The following VDAC1 variants were observed in gnomAD, a reference collection of about 807,000 sequenced individuals.
The protein encoded by VDAC1 is non-selective voltage-gated ion channel VDAC1.
A neutral mutation model predicts 34.7 loss-of-function variants in VDAC1; 10 were observed. The observed-to-expected ratio is 0.29, with a 90% confidence interval of 0.18 to 0.49. The LOEUF (loss-of-function observed/expected upper bound fraction) is 0.49. Among genes scored for constraint, VDAC1 ranks in the 20% least tolerant of loss-of-function variants. The probability of loss-of-function intolerance (pLI) is 0.99; values close to 1 mark genes in which losing one functional copy is unlikely to be tolerated. For synonymous variants in VDAC1, 130 were observed against 136.0 expected (o/e 0.96, Z 0.30); for missense variants, 230 against 347.9 (o/e 0.66, Z 2.69).
At chr5:133,996,777 T>C (rs554974513) in intron 1 of VDAC1, among the ~76,000 whole-genome samples, 1 of 152,082 alleles carries the variant, frequency 6.6e-6, no homozygotes, top group Non-Finnish European at 1.5e-5. Flanking sequence ...AAGTAGAAAC[T>C]TGGAATCTGA....
chr5:134,113,542 C>T, the VDAC1 span, among the ~76,000 whole-genome samples: 1 of 152,260 alleles, frequency 6.6e-6, no homozygotes, highest in Non-Finnish European at 1.5e-5. Flanking sequence ...CCCAAATACC[C>T]TCTATCCCAA....
the VDAC1 span, among the ~76,000 whole-genome samples, chr5:134,023,629 T>C: frequency 7.2e-5 from 11 of 152,162 alleles, no homozygotes; most frequent in Non-Finnish European, 1.0e-4. Flanking sequence ...GCTCCTACCA[T>C]GGGCCAGGCC....
chr5:134,032,887 G>T, the VDAC1 span, among the ~76,000 whole-genome samples: 1 of 152,026 alleles, frequency 6.6e-6, no homozygotes, highest in African/African-American at 2.4e-5. Context: ...ACAAAATAAT[G>T]CCAGGTGCAG....
chr5:134,088,954 G>A, the VDAC1 span, among the ~76,000 whole-genome samples: 49 of 152,320 alleles, frequency 3.2e-4, no homozygotes, highest in Non-Finnish European at 6.0e-4. Flanking sequence ...GTTCATCCAC[G>A]CTGTTGCATG....
At chr5:134,047,793 C>T in the VDAC1 span, among the ~76,000 whole-genome samples, 1 of 152,218 alleles carries the variant, frequency 6.6e-6, no homozygotes, top group Admixed American at 6.5e-5. Flanking sequence ...GCAAGTGAGG[C>T]TGGCACAGTG....
the VDAC1 span, among the ~76,000 whole-genome samples, chr5:134,033,294 G>C: frequency 1.3e-5 from 2 of 150,900 alleles, no homozygotes; most frequent in Non-Finnish European, 1.5e-5. Context: ...AGTAGCTGGG[G>C]CTACAGGCGC....
the VDAC1 span, among the ~76,000 whole-genome samples, chr5:134,026,685 C>T: frequency 4.6e-5 from 7 of 152,300 alleles, no homozygotes; most frequent in South Asian, 1.5e-3. Context: ...CTGCATTCCA[C>T]CTGGCAGGCA....
chr5:134,087,263 C>T, the VDAC1 span, among the ~76,000 whole-genome samples: 2 of 152,062 alleles, frequency 1.3e-5, no homozygotes, highest in Non-Finnish European at 1.5e-5. Flanking sequence ...GATCTGTGTG[C>T]ACCTGCGGTC....
chr5:134,079,995 G>T, the VDAC1 span, among the ~76,000 whole-genome samples: 1 of 152,232 alleles, frequency 6.6e-6, no homozygotes, highest in Non-Finnish European at 1.5e-5. Flanking sequence ...TGCGGTGGGG[G>T]CTTCTCACAA....
At chr5:134,058,628 T>C in the VDAC1 span, among the ~76,000 whole-genome samples, 6 of 152,206 alleles carry the variant, frequency 3.9e-5, no homozygotes, top group East Asian at 1.9e-4. Flanking sequence ...GGACTCTGAC[T>C]CTTAAGGCCA....
the VDAC1 span, among the ~76,000 whole-genome samples, chr5:134,060,880 C>CTTTTTT: frequency 2.6e-4 from 26 of 98,670 alleles, 5 homozygotes; most frequent in African/African-American, 7.4e-4. Flanking sequence ...TCTTCTTCTT[C>CTTTTTT]TTTTTTTTTT....
chr5:134,023,328 G>A, the VDAC1 span, among the ~76,000 whole-genome samples: 1 of 152,006 alleles, frequency 6.6e-6, no homozygotes, highest in East Asian at 1.9e-4. Flanking sequence ...TCTGTCGGGG[G>A]GCAAGGGGAG....
the VDAC1 span, among the ~76,000 whole-genome samples, chr5:134,080,566 C>T: frequency 7.3e-5 from 11 of 151,704 alleles, no homozygotes; most frequent in African/African-American, 2.4e-4. Context: ...GGTACCATAC[C>T]GTGAGCAGGT....
intron 1 of VDAC1, among the ~76,000 whole-genome samples, chr5:134,001,017 A>G (rs1025625013): frequency 1.3e-5 from 2 of 152,204 alleles, no homozygotes; most frequent in African/African-American, 2.4e-5. Flanking sequence ...TGCAAGAAAT[A>G]GAGGTGACTC....
chr5:134,058,567 G>C, the VDAC1 span, among the ~76,000 whole-genome samples: 1 of 151,926 alleles, frequency 6.6e-6, no homozygotes, highest in African/African-American at 2.4e-5. Context: ...CACCTGCCTT[G>C]GCCTCCCAAA....
chr5:134,016,207 G>A, the VDAC1 span, among the ~76,000 whole-genome samples: 1 of 152,224 alleles, frequency 6.6e-6, no homozygotes, highest in African/African-American at 2.4e-5. Flanking sequence ...TTTGGGGTAA[G>A]TGCAGATCTC....
the VDAC1 span, among the ~76,000 whole-genome samples, chr5:134,053,545 G>A: frequency 6.6e-6 from 1 of 152,318 alleles, no homozygotes; most frequent in African/African-American, 2.4e-5. Flanking sequence ...CAGACCCGGA[G>A]GACCTCACCC....
At chr5:134,013,887 A>G in the VDAC1 span, among the ~76,000 whole-genome samples, 1 of 151,904 alleles carries the variant, frequency 6.6e-6, no homozygotes, top group Admixed American at 6.5e-5. Context: ...GGTTGCAGTG[A>G]GCTGAGATCG....
the VDAC1 span, among the ~76,000 whole-genome samples, chr5:134,017,702 A>C: frequency 2.6e-5 from 4 of 152,134 alleles, no homozygotes; most frequent in Non-Finnish European, 4.4e-5. Flanking sequence ...TCACGAGGTC[A>C]GGAGATCAAG....
Sources: allele counts gnomAD v4.1 joint callset (sites outside exome capture counted in the v4.1 genomes callset), GRCh38; gene constraint gnomAD v4.1.1; transcripts MANE v1.5; gene names NCBI Gene and HGNC (gene_info 2026-07-23, HGNC 2026-07-21).